The following HTR2A variants were observed in gnomAD, a reference collection of about 807,000 sequenced individuals.
The protein encoded by HTR2A is 5-HT2 receptor.
A neutral mutation model predicts 31.0 loss-of-function variants in HTR2A; 14 were observed. The ratio of observed to expected loss-of-function variants is 0.45; its 90% CI spans 0.30 to 0.71. The LOEUF (loss-of-function observed/expected upper bound fraction) is 0.71, where lower values mean the gene tolerates loss of function less well. Ranked by LOEUF, HTR2A falls within the 30% of genes least tolerant of loss-of-function variation. The probability of loss-of-function intolerance (pLI) is 0.09; values close to 1 mark genes in which losing one functional copy is unlikely to be tolerated. For synonymous variants in HTR2A, 209 were observed against 225.2 expected, an observed-to-expected ratio of 0.93 and a Z score of 0.64; for missense variants, 442 against 573.3, an observed-to-expected ratio of 0.77 and a Z score of 2.34.
chr13:46,843,900 G>T (rs1950620090), intron 3 of HTR2A, among the ~76,000 whole-genome samples: 1 of 152,002 alleles, frequency 6.6e-6, no homozygotes, highest in South Asian at 2.1e-4. Flanking sequence ...CAATTATTTG[G>T]GAGTGCTTTG....
rs571062258 is a variant in HTR2A at position 46,842,766 on chromosome 13, G to C, written c.614-7127C>G. 1.8e-4 allele frequency among the ~76,000 whole-genome samples: 28 copies of C among 152,194 alleles called. 1 individual carries two copies. The South Asian group carries it at 5.4e-3, about 29-fold the overall frequency. On this transcript the variant is annotated intron_variant, in intron 3 of 3. Coordinates refer to ENST00000542664, the MANE Select transcript of HTR2A (RefSeq NM_000621.5). ...ACTATTCAGGAGGATATTACCCATA[G>C]CAAGATTTTTCAACCAGTCACAGAG...
chr13:46,841,349 C>T (rs750981536), intron 3 of HTR2A, among the ~76,000 whole-genome samples: 19 of 152,216 alleles, frequency 1.2e-4, no homozygotes, highest in Non-Finnish European at 2.1e-4. Flanking sequence ...ATCTCAAAGC[C>T]ACAAGTTCCT....
chr13:46,835,247 A>G lies in HTR2A; in HGVS notation c.1006T>C (p.Trp336Arg). The part of the protein sequence containing the change: ...GIVFFLFVVM[W>R]CPFFITNIMA... ...ATGTTTGTGATGAAGAAAGGGCACCACATCACCACAAACAGGAAGAAGACG... is the reference window on the plus strand; with the variant it reads ...ATGTTTGTGATGAAGAAAGGGCACCGCATCACCACAAACAGGAAGAAGACG... Residue 336 changes from tryptophan to arginine, a missense_variant, in exon 4 of 4, where the codon TGG (tryptophan) becomes CGG (arginine). Trp to Arg is a moderately radical substitution (Grantham distance 101, BLOSUM62 -3). Coordinates refer to ENST00000542664, the MANE Select transcript of HTR2A (RefSeq NM_000621.5). 1 of 1,614,144 alleles carries G rather than the reference A, an allele frequency of 6.2e-7. No individual in the cohort carries two copies. The highest frequency in any genetic ancestry group is 8.5e-7 in the Non-Finnish European group (1 of 1,180,014).
chr13:46,848,000 T>A (rs1455834727), intron 3 of HTR2A, among the ~76,000 whole-genome samples: 1 of 152,134 alleles, frequency 6.6e-6, no homozygotes, highest in Non-Finnish European at 1.5e-5. Context: ...CAGTTTCACT[T>A]TTTATCACTC....
intron 3 of HTR2A, among the ~76,000 whole-genome samples, chr13:46,858,676 TA>T (rs1950757539): frequency 6.6e-6 from 1 of 152,122 alleles, no homozygotes; most frequent in Non-Finnish European, 1.5e-5. Flanking sequence ...AGTCCTAAAC[TA>T]AGGCTGAACA....
intron 3 of HTR2A, among the ~76,000 whole-genome samples, chr13:46,865,842 T>G (rs988099998): frequency 6.6e-6 from 1 of 152,202 alleles, no homozygotes; most frequent in South Asian, 2.1e-4. Context: ...AGAAATCTCC[T>G]GTGTAGGATA....
intron 3 of HTR2A, among the ~76,000 whole-genome samples, chr13:46,885,085 AC>A (rs1950996419): frequency 6.6e-6 from 1 of 152,144 alleles, no homozygotes; most frequent in South Asian, 2.1e-4. Context: ...CTATGATAAA[AC>A]TTAATTTATA....
chr13:46,892,460 G>T lies in HTR2A; in HGVS notation c.543C>A (p.Ile181=). Residue 181 remains isoleucine (I), a synonymous_variant, in exon 3 of 4, where the codon ATC becomes ATA. Coordinates refer to ENST00000542664, the MANE Select transcript of HTR2A (RefSeq NM_000621.5). The part of the protein sequence containing the change: ...LDRYVAIQNP[I]HHSRFNSRTK... ...TTCTGGAGTTGAAGCGGCTGTGGTG[G>T]ATGGGATTCTGGATGGCGACGTAGC... 1 of 1,614,244 alleles carries T rather than the reference G, an allele frequency of 6.2e-7. No homozygotes were observed. The highest frequency in any genetic ancestry group is 8.5e-7 in the Non-Finnish European group (1 of 1,180,050).
In HTR2A at chr13:46,896,794, A is replaced by G; in HGVS notation, c.-449T>C. 1 of 1,536,860 alleles carries G rather than the reference A, an allele frequency of 6.5e-7. No homozygotes were observed. The highest frequency in any genetic ancestry group is 8.7e-7 in the Non-Finnish European group (1 of 1,146,628). On this transcript the variant is annotated 5_prime_UTR_variant, in exon 1 of 4. Transcript: ENST00000542664. ...TGATCTTCCACCAGCATAATATGAT[A>G]GTAATTTGGTTTCTGTTTTGCTGAC...
Position 46,848,282 on chromosome 13 carries a change from C to T in HTR2A, c.614-12643G>A, listed in dbSNP as rs137889612. ...CCTGTCTTCCCCAGTCTTAAGTATG[C>T]CTTTAGTTTGCAGAAAGATGCACTG... On this transcript the variant is annotated intron_variant, in intron 3 of 3. Coordinates refer to ENST00000542664, the MANE Select transcript of HTR2A (RefSeq NM_000621.5). 7.0e-4 allele frequency among the ~76,000 whole-genome samples: 107 copies of T among 152,220 alleles called. No homozygotes were observed. In the Middle Eastern group the frequency reaches 0.01, roughly 15 times the overall value.
In HTR2A at chr13:46,896,903, C is replaced by A; in HGVS notation, c.-558G>T. On this transcript the variant is annotated 5_prime_UTR_variant, in exon 1 of 4. It introduces an in-frame stop codon into an upstream open reading frame of the 5' UTR. Coordinates refer to ENST00000542664, the MANE Select transcript of HTR2A (RefSeq NM_000621.5). ...TCCTCTGGCACGGCTCGGCTGGGTTCCTCCCTCCCTGTGCGGCTCGCCTCA... is the reference window on the plus strand; with the variant it reads ...TCCTCTGGCACGGCTCGGCTGGGTTACTCCCTCCCTGTGCGGCTCGCCTCA... 1 of 1,340,050 alleles carries A rather than the reference C, an allele frequency of 7.5e-7. No individual in the cohort carries two copies. Among genetic ancestry groups the A allele is most frequent in the South Asian group, 1.3e-5 (1 of 76,726 alleles). 83.0% of individuals were successfully genotyped at this position (1,340,050 alleles called of 1,614,324 possible).
At chr13:46,840,435 T>A (rs1414487059) in intron 3 of HTR2A, among the ~76,000 whole-genome samples, 1 of 152,194 alleles carries the variant, frequency 6.6e-6, no homozygotes, top group Non-Finnish European at 1.5e-5. Context: ...GCTCTGATAA[T>A]AAATTGCAAC....
intron 3 of HTR2A, among the ~76,000 whole-genome samples, chr13:46,850,519 C>T (rs1593429298): frequency 6.6e-6 from 1 of 152,184 alleles, no homozygotes; most frequent in Non-Finnish European, 1.5e-5. Context: ...GCTCTGTAGC[C>T]TCAGCACACT....
At chr13:46,837,916 C>T (rs1566299069) in intron 3 of HTR2A, among the ~76,000 whole-genome samples, 4 of 152,222 alleles carry the variant, frequency 2.6e-5, no homozygotes, top group Admixed American at 2.6e-4. Context: ...TAAATGACAT[C>T]AGAGCTGTTC....
chr13:46,839,818 T>A (rs957033669), intron 3 of HTR2A, among the ~76,000 whole-genome samples: 2 of 152,190 alleles, frequency 1.3e-5, no homozygotes, highest in African/African-American at 4.8e-5. Context: ...GCTTACTTCC[T>A]GCACATAAAC....
At chr13:46,864,369 A>G (rs2760343) in intron 3 of HTR2A, among the ~76,000 whole-genome samples, 127,616 of 152,128 alleles carry the variant, frequency 0.84, 54,456 homozygotes, top group East Asian at 0.97. Flanking sequence ...GTTTACCTAC[A>G]TGACAAACCT....
chr13:46,886,656 G>A (rs1039056326), intron 3 of HTR2A, among the ~76,000 whole-genome samples: 1 of 152,232 alleles, frequency 6.6e-6, no homozygotes, highest in Admixed American at 6.5e-5. Flanking sequence ...GTCAGGGAGA[G>A]AAAAAGCAAT....
intron 3 of HTR2A, among the ~76,000 whole-genome samples, chr13:46,866,393 T>C (rs1950818443): frequency 6.6e-6 from 1 of 152,184 alleles, no homozygotes. Context: ...TATCCTGTAC[T>C]GCCTGAGGGG....
At chr13:46,875,687 A>G (rs2138232727) in intron 3 of HTR2A, among the ~76,000 whole-genome samples, 1 of 152,282 alleles carries the variant, frequency 6.6e-6, no homozygotes, top group South Asian at 2.1e-4. Flanking sequence ...ATCATCATAA[A>G]ATGGATGAAA....
Sources: allele counts gnomAD v4.1 joint callset (sites outside exome capture counted in the v4.1 genomes callset), GRCh38; gene constraint gnomAD v4.1.1; transcripts MANE v1.5; gene names NCBI Gene and HGNC (gene_info 2026-07-23, HGNC 2026-07-21).